Variants in TAF4B observed in about 807,000 individuals in gnomAD.
TAF4B encodes the protein transcription initiation factor TFIID subunit 4B.
Under a neutral mutation model 86.4 loss-of-function variants are expected in TAF4B, and 38 were observed. The ratio of observed to expected loss-of-function variants is 0.44; its 90% CI spans 0.34 to 0.58. TAF4B has a LOEUF of 0.58. Among genes scored for constraint, TAF4B ranks in the 20% least tolerant of loss-of-function variants. TAF4B has a pLI of 0.02. For synonymous variants in TAF4B, 388 were observed against 391.2 expected (o/e 0.99, Z 0.10); for missense variants, 988 against 1,027.6 (o/e 0.96, Z 0.53).
intron 9 of TAF4B, among the ~76,000 whole-genome samples, chr18:26,302,325 A>T (rs920293673): frequency 1.3e-5 from 2 of 149,610 alleles, no homozygotes; most frequent in South Asian, 4.2e-4. Context: ...GATCACAAAG[A>T]TAGTCTCCTA....
At chr18:26,244,999 A>T (rs2055901000) in intron 1 of TAF4B, among the ~76,000 whole-genome samples, 1 of 152,158 alleles carries the variant, frequency 6.6e-6, no homozygotes, top group Admixed American at 6.5e-5. Context: ...GGCTCAGCCC[A>T]GAAGTATAGG....
chr18:26,341,193 C>T (rs1398953774), intron 13 of TAF4B, among the ~76,000 whole-genome samples: 1 of 151,954 alleles, frequency 6.6e-6, no homozygotes, highest in African/African-American at 2.4e-5. Flanking sequence ...TTGAACTTAC[C>T]TCTGTTTCCT....
intron 9 of TAF4B, among the ~76,000 whole-genome samples, chr18:26,305,219 A>G (rs1419623026): frequency 6.6e-6 from 1 of 152,140 alleles, no homozygotes; most frequent in Non-Finnish European, 1.5e-5. Flanking sequence ...TTATATCTTC[A>G]ATAATTCTTG....
intron 13 of TAF4B, among the ~76,000 whole-genome samples, chr18:26,350,943 G>A (rs1171228756): frequency 6.6e-6 from 1 of 152,192 alleles, no homozygotes; most frequent in Non-Finnish European, 1.5e-5. Context: ...AACTAGTATA[G>A]CCACTGTGAA....
rs544717113 is a variant in TAF4B, at chr18:26,377,579, T to C, written c.2422-12266T>C. On this transcript the variant is annotated intron_variant, in intron 14 of 14. Coordinates refer to ENST00000269142, the MANE Select transcript of TAF4B (RefSeq NM_005640.3). ...AGTAGATTAATTAGTATCTGCTTGC[T>C]TTAACTTGAATGTGTTATCAAGGAG... Among the ~76,000 whole-genome samples the C allele has an allele frequency of 1.8e-4, 28 of 152,366 alleles. No homozygotes were observed. The South Asian group carries it at 5.6e-3, about 30-fold the overall frequency.
chr18:26,290,438 AGTT>A (rs2056578136), intron 7 of TAF4B, among the ~76,000 whole-genome samples: 1 of 152,206 alleles, frequency 6.6e-6, no homozygotes, highest in African/African-American at 2.4e-5. Flanking sequence ...AGAATTATAT[AGTT>A]GTTTTGAAAT....
intron 14 of TAF4B, among the ~76,000 whole-genome samples, chr18:26,358,232 A>C (rs1621199): frequency 6.6e-6 from 1 of 151,982 alleles, no homozygotes; most frequent in Admixed American, 6.6e-5. Context: ...ATGTGTTTGC[A>C]TGGCATTGTT....
rs552350993 is a variant in TAF4B, at chr18:26,305,944, C to G, written c.1833-9285C>G. ...TTTTCTTTTTACGATATAGAAGATT[C>G]CCATCTGAAACCATGGTTATATTTG... On this transcript the variant is annotated intron_variant, in intron 9 of 14. Coordinates refer to ENST00000269142, the MANE Select transcript of TAF4B (RefSeq NM_005640.3). Among the ~76,000 whole-genome samples the G allele has an allele frequency of 3.4e-4, 52 of 152,174 alleles. No individual in the cohort carries two copies. The South Asian group carries it at 0.011, about 31-fold the overall frequency.
intron 1 of TAF4B, among the ~76,000 whole-genome samples, chr18:26,233,127 G>T (rs2055697423): frequency 6.6e-6 from 1 of 152,142 alleles, no homozygotes; most frequent in South Asian, 2.1e-4. Flanking sequence ...AACTGGTTGT[G>T]TATGTTAAAA....
intron 5 of TAF4B, 37 bp from the exon 6 acceptor site, chr18:26,281,934 T>G (rs921733307): frequency 7.5e-6 from 11 of 1,457,304 alleles, no homozygotes; most frequent in Non-Finnish European, 1.1e-5. Flanking sequence ...AAAAGATTTG[T>G]AGACTTAAAA....
In TAF4B at chr18:26,240,517, A is replaced by G. The variant is rs1225212959; in HGVS notation, c.343+13241A>G. On this transcript the variant is annotated intron_variant, in intron 1 of 14. Coordinates refer to ENST00000269142, the MANE Select transcript of TAF4B (RefSeq NM_005640.3). ...AATGGGGTTTTCTAAATATACAATCATGTCATCTGCAAACAGGGACAATTT... is the reference window on the plus strand; with the variant it reads ...AATGGGGTTTTCTAAATATACAATCGTGTCATCTGCAAACAGGGACAATTT... Among the ~76,000 whole-genome samples the G allele has an allele frequency of 2.6e-5, 4 of 152,242 alleles. No homozygotes were observed. In the South Asian group the frequency reaches 8.3e-4, roughly 32 times the overall value.
chr18:26,257,901 A>G (rs1017975478), intron 1 of TAF4B, among the ~76,000 whole-genome samples: 5 of 147,882 alleles, frequency 3.4e-5, no homozygotes, highest in African/African-American at 1.2e-4. Flanking sequence ...ATTGCTTTAT[A>G]CCTTGCATCT....
chr18:26,283,096 T>G lies in TAF4B; in HGVS notation c.972+1036T>G, dbSNP rs148766832. On this transcript the variant is annotated intron_variant, in intron 6 of 14. Coordinates refer to ENST00000269142, the MANE Select transcript of TAF4B (RefSeq NM_005640.3). ...CATGAGGATGGGGATCCACTTCTTATGAACTCCTGTTAGTGTTGATATTTT... is the reference window on the plus strand; with the variant it reads ...CATGAGGATGGGGATCCACTTCTTAGGAACTCCTGTTAGTGTTGATATTTT... 2.6e-3 allele frequency among the ~76,000 whole-genome samples: 402 copies of G among 152,302 alleles called. 8 individuals are homozygous for G. Among genetic ancestry groups the G allele is most frequent in the Non-Finnish European group, 6.2e-4 (42 of 68,028 alleles).
chr18:26,264,602 G>A (rs149663544), intron 1 of TAF4B, among the ~76,000 whole-genome samples: 93 of 152,292 alleles, frequency 6.1e-4, no homozygotes, highest in African/African-American at 2.2e-3. Flanking sequence ...AGAGAGGATT[G>A]ATTACATAGC....
chr18:26,382,102 A>G (rs1397415559), intron 14 of TAF4B, among the ~76,000 whole-genome samples: 1 of 152,222 alleles, frequency 6.6e-6, no homozygotes, highest in Non-Finnish European at 1.5e-5. Flanking sequence ...AGGCACAGCA[A>G]CCCTTATTAT....
At position 26,332,687 on chromosome 18, in the gene TAF4B, G is replaced by A. The variant is rs145151663; in HGVS notation, c.2260-2488G>A. Among the ~76,000 whole-genome samples, 856 of 152,144 alleles carry A rather than the reference G, an allele frequency of 5.6e-3. 8 individuals are homozygous for A. Among genetic ancestry groups the A allele is most frequent in the Middle Eastern group, 0.01 (3 of 294 alleles). On this transcript the variant is annotated intron_variant, in intron 12 of 14. Transcript: ENST00000269142. ...TGGGATTACAGGTGCCCGCCACCAT[G>A]CCTGGCTACTTTTTGCATTATTAGT...
At chr18:26,298,680 A>G (rs1265353423) in intron 9 of TAF4B, among the ~76,000 whole-genome samples, 1 of 151,810 alleles carries the variant, frequency 6.6e-6, no homozygotes, top group African/African-American at 2.4e-5. Context: ...CTACAGGTGT[A>G]CATTACCATG....
chr18:26,319,098 G>T (rs762646896), intron 10 of TAF4B, among the ~76,000 whole-genome samples: 7 of 152,204 alleles, frequency 4.6e-5, no homozygotes, highest in Non-Finnish European at 1.0e-4. Flanking sequence ...GCAGGCTGAG[G>T]TGGGAGGATT....
chr18:26,281,308 G>A (rs1319779803), intron 5 of TAF4B, among the ~76,000 whole-genome samples: 1 of 151,904 alleles, frequency 6.6e-6, no homozygotes, highest in Non-Finnish European at 1.5e-5. Context: ...ACCTTTCCTT[G>A]AATGCTCCTT....
Sources: gnomAD v4.1 joint callset for allele counts (sites outside exome capture counted in the v4.1 genomes callset) on GRCh38, gnomAD v4.1.1 for gene constraint, MANE v1.5 for transcripts, NCBI Gene and HGNC (gene_info 2026-07-23, HGNC 2026-07-21) for gene names.